The following FCGR1A variants were observed in gnomAD, a reference collection of about 807,000 sequenced individuals.
FCGR1A encodes Fc gamma receptor Ia, also known as high affinity immunoglobulin gamma Fc receptor I.
In FCGR1A, 13 loss-of-function variants were observed where a neutral mutation model predicts 35.0. The observed-to-expected ratio is 0.37, with a 90% CI of 0.24 to 0.59. The LOEUF (loss-of-function observed/expected upper bound fraction) is 0.59. Ranked by LOEUF, FCGR1A falls within the 20% of genes least tolerant of loss-of-function variation. The pLI is 0.71. For synonymous variants in FCGR1A, 91 were observed against 164.7 expected, an observed-to-expected ratio of 0.55 and a Z score of 3.43; for missense variants, 227 against 430.0, an observed-to-expected ratio of 0.53 and a Z score of 4.17.
intron 3 of FCGR1A, chr1:149,785,945 T>C (rs1401467250): frequency 1.3e-5 from 2 of 152,158 alleles, no homozygotes; most frequent in Non-Finnish European, 2.9e-5. Flanking sequence ...AACATTATGA[T>C]TGTGAACTGT....
intron 3 of FCGR1A, among the ~76,000 whole-genome samples, chr1:149,784,537 A>G (rs1403443956): frequency 6.6e-6 from 1 of 152,106 alleles, no homozygotes; most frequent in Non-Finnish European, 1.5e-5. Flanking sequence ...GCCTGTACAT[A>G]GTAAATAATA....
chr1:149,789,929 G>A (rs674272), intron 4 of FCGR1A, 125 bp from the exon 5 acceptor site: 1 of 1,584,988 alleles, frequency 6.3e-7, no homozygotes, highest in African/African-American at 1.4e-5. Context: ...GAAGTAAAAA[G>A]GGTTAATGCC....
chr1:149,784,184 T>C lies in FCGR1A; in HGVS notation c.234T>C (p.Asn78=). ...ACAGAATCACCTCTGCCAGTGTCAA[T>C]GACAGTGGTGAATACAGGTGCCAGA... The part of the protein sequence containing the change: ...PSYRITSASV[N]DSGEYRCQRG... The change falls in exon 3 of 6, where the codon AAT becomes AAC. Residue 78 remains asparagine, a synonymous_variant. Transcript: ENST00000369168. The C allele has an allele frequency of 6.2e-7, 1 of 1,611,434 alleles. No individual in the cohort carries two copies. Among genetic ancestry groups the C allele is most frequent in the Non-Finnish European group, 8.5e-7 (1 of 1,179,788 alleles).
At chr1:149,790,931 G>A (rs1477707829) in intron 5 of FCGR1A, among the ~76,000 whole-genome samples, 1 of 151,956 alleles carries the variant, frequency 6.6e-6, no homozygotes, top group Non-Finnish European at 1.5e-5. Context: ...GGGGAAAAAA[G>A]TTCATCTTCA....
At chr1:149,786,716 T>A (rs1284607425) in intron 3 of FCGR1A, 1 of 152,242 alleles carries the variant, frequency 6.6e-6, no homozygotes, top group Non-Finnish European at 1.5e-5. Flanking sequence ...TTTTGATATA[T>A]AATACTACCA....
intron 3 of FCGR1A, among the ~76,000 whole-genome samples, chr1:149,785,418 T>G (rs1402029885): frequency 2.2e-5 from 3 of 134,150 alleles, no homozygotes; most frequent in Admixed American, 1.5e-4. Flanking sequence ...GTTTTTTTTT[T>G]TTTTTTTTTT....
chr1:149,788,246 T>A, intron 3 of FCGR1A, 120 bp from the exon 4 acceptor site: 1 of 1,607,276 alleles, frequency 6.2e-7, no homozygotes, highest in South Asian at 1.1e-5. Context: ...GGCCTGAGAT[T>A]TGGCAGAGCT....
At chr1:149,794,018 T>C (rs694877), downstream of FCGR1A, 10 of 728,086 alleles carry the variant, frequency 1.4e-5, no homozygotes, top group African/African-American at 3.7e-5. Flanking sequence ...GAGGTATAGC[T>C]GACAGCTGGC....
In FCGR1A at chr1:149,791,593, T is replaced by A; in HGVS notation, c.*76T>A. On this transcript the variant is annotated 3_prime_UTR_variant, in exon 6 of 6. Transcript: ENST00000369168. ...TCCCCGTGAGCACTGCGTACAAACA[T>A]CCAAAAGTTCAACAACACCAGAACT... 7 of 1,559,968 alleles carry A rather than the reference T, an allele frequency of 4.5e-6. No homozygotes were observed. Among genetic ancestry groups the A allele is most frequent in the Non-Finnish European group, 6.0e-6 (7 of 1,158,530 alleles).
intron 3 of FCGR1A, among the ~76,000 whole-genome samples, chr1:149,785,223 A>G (rs1553750673): frequency 6.6e-6 from 1 of 152,178 alleles, no homozygotes; most frequent in Non-Finnish European, 1.5e-5. Flanking sequence ...ATAATGCAAA[A>G]GTCAATCCAC....
In FCGR1A at chr1:149,788,644, T is replaced by C. The variant is rs1553751229; in HGVS notation, c.559+27T>C. On this transcript the variant is annotated intron_variant, in intron 4 of 5. Transcript: ENST00000369168. The stretch of plus-strand genomic sequence containing the variant: ...TATTGTATTGGAATAGTCATAGAAC[T>C]GATAGTCCCTCCCCCTGAGGGACCA... 8.7e-6 allele frequency: 14 copies of C among 1,613,728 alleles called. No homozygotes were observed. The Admixed American group carries it at 1.8e-4, about 21-fold the overall frequency.
chr1:149,793,245 G>A, downstream of FCGR1A: 1 of 1,256,106 alleles, frequency 8.0e-7, no homozygotes. Flanking sequence ...GGAGGCGGCG[G>A]CGGCAGGGAG....
At position 149,791,333 on chromosome 1, in the gene FCGR1A, G is replaced by C. The variant is rs782220562; in HGVS notation, c.941G>C (p.Arg314Pro). 5 of 1,589,490 alleles carry C rather than the reference G, an allele frequency of 3.1e-6. 1 individual carries two copies. The East Asian group carries it at 1.1e-4, about 36-fold the overall frequency. Residue 314 changes from arginine to proline, a missense_variant, in exon 6 of 6, where the codon CGT (arginine) becomes CCT (proline). Arg to Pro is a moderately radical substitution (Grantham distance 103, BLOSUM62 -2). Around this residue, in one of 3 missense-constraint regions of FCGR1A, gnomAD observed 39 missense variants for 101.3 expected, o/e 0.38. Coordinates refer to ENST00000369168, the MANE Select transcript of FCGR1A (RefSeq NM_000566.4). ...LVNTVLWVTI[R>P]KELKRKKKWD... ...AACACTGTTCTCTGGGTGACAATAC[G>C]TAAAGAACTGAAAAGAAAGAAAAAG...
At chr1:149,798,411 C>T in the FCGR1A span, among the ~76,000 whole-genome samples, 1 of 151,968 alleles carries the variant, frequency 6.6e-6, no homozygotes, top group Non-Finnish European at 1.5e-5. Flanking sequence ...TTCTCCATAT[C>T]CTCAGTAAGT....
At chr1:149,785,407 C>CTTTTTT (rs1553750700) in intron 3 of FCGR1A, among the ~76,000 whole-genome samples, 2 of 74,544 alleles carry the variant, frequency 2.7e-5, no homozygotes, top group Admixed American at 1.5e-4. Context: ...AGAGCTGTTT[C>CTTTTTT]GTTTTTTTTT....
intron 3 of FCGR1A, chr1:149,786,375 G>C (rs2091550341): frequency 1.3e-5 from 2 of 151,922 alleles, no homozygotes; most frequent in South Asian, 4.2e-4. Flanking sequence ...CCACTCTGTG[G>C]CTTTTCTTTT....
At chr1:149,796,657 C>T (rs2091803985), downstream of FCGR1A, among the ~76,000 whole-genome samples, 1 of 152,274 alleles carries the variant, frequency 6.6e-6, no homozygotes, top group South Asian at 2.1e-4. Context: ...ACTTAAGTAG[C>T]TCCTTGAATT....
At chr1:149,793,132 C>G (rs781983002), downstream of FCGR1A, 32 of 1,274,516 alleles carry the variant, frequency 2.5e-5, no homozygotes, top group Non-Finnish European at 3.0e-5. Context: ...TGCGCCCGGC[C>G]GAGCCTCCGC....
At chr1:149,788,655 C>T in intron 4 of FCGR1A, 38 bp downstream of exon 4, 1 of 1,612,496 alleles carries the variant, frequency 6.2e-7, no homozygotes, top group Non-Finnish European at 8.5e-7. Context: ...GATAGTCCCT[C>T]CCCCTGAGGG....
Sources: allele counts gnomAD v4.1 joint callset (sites outside exome capture counted in the v4.1 genomes callset), GRCh38; gene constraint gnomAD v4.1.1; regional missense constraint gnomAD v4.1.1; transcripts MANE v1.5; gene names NCBI Gene and HGNC (gene_info 2026-07-23, HGNC 2026-07-21).